ADCY6: variants seen among roughly 807,000 people sequenced by gnomAD.
ADCY6 encodes the protein adenylate cyclase type 6.
Under a neutral mutation model 111.6 loss-of-function variants are expected in ADCY6, and 59 were observed. The ratio of observed to expected loss-of-function variants is 0.53; its 90% CI spans 0.43 to 0.66. The LOEUF is 0.66. Among genes scored for constraint, ADCY6 ranks in the 30% least tolerant of loss-of-function variants. The pLI is 0.00. For synonymous variants in ADCY6, 576 were observed against 642.9 expected (o/e 0.90, Z 1.57); for missense variants, 1,242 against 1,595.6 (o/e 0.78, Z 3.78).
intron 3 of ADCY6, 44 bp downstream of exon 3, chr12:48,778,064 G>C (rs1941750669): frequency 6.4e-7 from 1 of 1,573,578 alleles, no homozygotes; most frequent in Non-Finnish European, 8.6e-7. Context: ...AAGTTATTTG[G>C]GGGTAAGGTG....
chr12:48,772,616 CAA>C (rs1941581293), intron 16 of ADCY6, 73 bp from the exon 17 acceptor site: 1 of 1,547,564 alleles, frequency 6.5e-7, no homozygotes, highest in Non-Finnish European at 8.9e-7. Context: ...GAAGGGGAGA[CAA>C]GAGACTGCAT....
rs770483197 is a variant in ADCY6, at chr12:48,770,992, G to T, written c.3052-22C>A. 6.2e-5 allele frequency: 99 copies of T among 1,608,040 alleles called. No individual in the cohort carries two copies. The Admixed American group carries it at 1.6e-3, about 26-fold the overall frequency. On this transcript the variant is annotated intron_variant, in intron 19 of 21. Coordinates refer to ENST00000357869, the MANE Select transcript of ADCY6 (RefSeq NM_015270.5). The stretch of plus-strand genomic sequence containing the variant: ...TAATCTGAACAACACAAGGAGACCT[G>T]GCTGTCAAGGCAAAGACCCCAGACC...
chr12:48,774,325 T>C (rs902162615), intron 14 of ADCY6, 77 bp downstream of exon 14: 61 of 1,419,322 alleles, frequency 4.3e-5, no homozygotes, highest in Non-Finnish European at 6.0e-5. Context: ...ATATGTCCTT[T>C]TCTCCGCTGT....
Position 48,768,346 on chromosome 12 carries a change from A to C in ADCY6, c.*245T>G, listed in dbSNP as rs1025256432. 1.8e-6 allele frequency: 1 copy of C among 562,518 alleles called. No individual in the cohort carries two copies. Among genetic ancestry groups the C allele is most frequent in the African/African-American group, 1.9e-5 (1 of 52,974 alleles). 34.8% of individuals were successfully genotyped at this position (562,518 alleles called of 1,614,324 possible). A position where few individuals can be genotyped will look rare whatever the true frequency, so the allele number is the denominator to read the frequency against. ...CTGCTCCCAAAGGCTGGAAGATTGG[A>C]GAGGGAACAGCCCTACCCCAAGTAA... On this transcript the variant is annotated 3_prime_UTR_variant, in exon 22 of 22. Coordinates refer to ENST00000357869, the MANE Select transcript of ADCY6 (RefSeq NM_015270.5).
Position 48,777,369 on chromosome 12 carries a change from G to T in ADCY6, c.1248+41C>A. Reference sequence around the variant, plus strand: ...GCCAGCAAAGCTATGCTCTCACCACGGTCAACACCCAGGCCCAATCCCAAG... The same window carrying T: ...GCCAGCAAAGCTATGCTCTCACCACTGTCAACACCCAGGCCCAATCCCAAG... On this transcript the variant is annotated intron_variant, in intron 5 of 21. Coordinates refer to ENST00000357869, the MANE Select transcript of ADCY6 (RefSeq NM_015270.5). This position sits in a 1 kb window ranked among gnomAD's most constrained non-coding sequence, Gnocchi z 4.9. The T allele has an allele frequency of 6.2e-7, 1 of 1,608,606 alleles. No individual in the cohort carries two copies. Among genetic ancestry groups the T allele is most frequent in the Non-Finnish European group, 8.5e-7 (1 of 1,175,638 alleles).
chr12:48,784,690 T>TTTTTTTTTTTA, intron 1 of ADCY6, among the ~76,000 whole-genome samples: 1 of 146,190 alleles, frequency 6.8e-6, no homozygotes, highest in African/African-American at 2.6e-5. Flanking sequence ...TTTTTTTTTT[T>TTTTTTTTTTTA]GAGACGGAGT....
At chr12:48,775,873 T>C (rs768416169) in intron 9 of ADCY6, 90 bp downstream of exon 9, 1 of 1,534,294 alleles carries the variant, frequency 6.5e-7, no homozygotes, top group Non-Finnish European at 8.8e-7. Context: ...TACATGGAAA[T>C]GGCAGTCACA....
At chr12:48,775,577 C>A in intron 10 of ADCY6, 96 bp downstream of exon 10, 1 of 1,578,358 alleles carries the variant, frequency 6.3e-7, no homozygotes, top group South Asian at 1.1e-5. Context: ...TGCTCCCACA[C>A]AACACTCCTA....
chr12:48,788,687 C>T (rs1942027316), intron 1 of ADCY6, among the ~76,000 whole-genome samples: 2 of 152,058 alleles, frequency 1.3e-5, no homozygotes, highest in Non-Finnish European at 2.9e-5. Flanking sequence ...CGGCGGGCGA[C>T]GGGGGTGGCG....
At chr12:48,784,676 T>TG (rs1565652516) in intron 1 of ADCY6, among the ~76,000 whole-genome samples, 1 of 139,704 alleles carries the variant, frequency 7.2e-6, no homozygotes, top group East Asian at 2.0e-4. Context: ...TTTTTTTTTT[T>TG]TTTTTTTTTT....
Position 48,773,964 on chromosome 12 carries a change from G to T in ADCY6, c.2418C>A (p.Thr806=). Reference sequence around the variant, plus strand: ...CCTCAGGAAAGCTGCAGGTGGGCATGGTGCCCTCACACAGGGGAGCATCCA... The same window carrying T: ...CCTCAGGAAAGCTGCAGGTGGGCATTGTGCCCTCACACAGGGGAGCATCCA... ...LGLDAPLCEG[T]MPTCSFPEYF... is the part of the protein sequence containing the mutation. The change falls in exon 15 of 22, where the codon ACC becomes ACA. Residue 806 remains threonine, a synonymous_variant. Transcript: ENST00000357869. 6.2e-7 allele frequency: 1 copy of T among 1,613,892 alleles called. No homozygotes were observed. The highest frequency in any genetic ancestry group is 8.5e-7 in the Non-Finnish European group (1 of 1,179,910).
At chr12:48,783,796 T>G in intron 1 of ADCY6, 1 of 250,958 alleles carries the variant, frequency 4.0e-6, no homozygotes, top group Non-Finnish European at 7.6e-6. Context: ...TTCAAAAAAT[T>G]AGCCTGGGCC....
In ADCY6 at chr12:48,777,474, C is replaced by T; in HGVS notation, c.1184G>A (p.Cys395Tyr). 6.2e-7 allele frequency: 1 copy of T among 1,613,192 alleles called. No individual in the cohort carries two copies. The highest frequency in any genetic ancestry group is 8.5e-7 in the Non-Finnish European group (1 of 1,180,038). ...IEGFTSLASQ[C>Y]TAQELVMTLN... ...GGTCATGACCAGCTCCTGCGCAGTG[C>T]ACTGGGATGCCAGGCTGGTGAAGCC... is the stretch of plus-strand genomic sequence containing the variant. The change falls in exon 5 of 22, where the codon TGC becomes TAC. Residue 395 changes from cysteine (C) to tyrosine (Y), a missense_variant. Around this residue, in one of 4 missense-constraint regions of ADCY6, gnomAD observed 260 missense variants for 414.6 expected, o/e 0.63. Coordinates refer to ENST00000357869, the MANE Select transcript of ADCY6 (RefSeq NM_015270.5). This position sits in a 1 kb window ranked among gnomAD's most constrained non-coding sequence, Gnocchi z 4.9.
At position 48,778,156 on chromosome 12, in the gene ADCY6, G is replaced by A. The variant is rs1283387922; in HGVS notation, c.966C>T (p.Arg322=). The change falls in exon 3 of 22, where the codon CGC becomes CGT. Residue 322 remains arginine, a synonymous_variant. Transcript: ENST00000357869. ...GGTGGAGCCGGGCCTGGATGTAACCGCGGGTCTCCTGAAAGGCCTGGCGCT... is the reference window on the plus strand; with the variant it reads ...GGTGGAGCCGGGCCTGGATGTAACCACGGGTCTCCTGAAAGGCCTGGCGCT... ...VSQRQAFQET[R]GYIQARLHLQ... 5.0e-6 allele frequency: 8 copies of A among 1,613,936 alleles called. No homozygotes were observed. Among genetic ancestry groups the A allele is most frequent in the East Asian group, 4.5e-5 (2 of 44,868 alleles).
intron 1 of ADCY6, among the ~76,000 whole-genome samples, chr12:48,785,448 C>A (rs758759925): frequency 6.6e-6 from 1 of 152,066 alleles, no homozygotes; most frequent in African/African-American, 2.4e-5. Flanking sequence ...GGTGAAACCC[C>A]ATTTCTACTA....
rs1941434725 is a variant in ADCY6 at position 48,768,515 on chromosome 12, C to T, written c.*76G>A. On this transcript the variant is annotated 3_prime_UTR_variant, in exon 22 of 22. Coordinates refer to ENST00000357869, the MANE Select transcript of ADCY6 (RefSeq NM_015270.5). ...TCTGGAGGCTCAGTGCCCCCTGCCA[C>T]AGCTCCACCCAGTGAGCACAGAGTC... The T allele has an allele frequency of 7.5e-6, 12 of 1,606,450 alleles. No homozygotes were observed. The highest frequency in any genetic ancestry group is 1.7e-5 in the Admixed American group (1 of 59,904).
At chr12:48,774,267 G>A (rs549553548) in intron 14 of ADCY6, 135 bp downstream of exon 14, 20 of 1,074,314 alleles carry the variant, frequency 1.9e-5, no homozygotes, top group Middle Eastern at 2.3e-4. Flanking sequence ...AAGGAGAACC[G>A]GAGTTAACCT....
chr12:48,778,872 A>ATTTTTTTTTTTTTTTTTTTT (rs1037254707), intron 2 of ADCY6, among the ~76,000 whole-genome samples: 2 of 72,412 alleles, frequency 2.8e-5, no homozygotes, highest in Admixed American at 2.0e-4. Flanking sequence ...TGAATAACAC[A>ATTTTTTTTTTTTTTTTTTTT]TTTTTTTTTT....
Position 48,782,087 on chromosome 12 carries a change from A to G in ADCY6, c.864+484T>C, listed in dbSNP as rs571943608. On this transcript the variant is annotated intron_variant, in intron 2 of 21. Transcript: ENST00000357869. This position sits in a 1 kb window ranked among gnomAD's most constrained non-coding sequence, Gnocchi z 4.3. ...GCTGACAACATCCAAAACCTGCTCT[A>G]TACCTCCAGATCACCACCTAGAGCT... is the stretch of plus-strand genomic sequence containing the variant. Among the ~76,000 whole-genome samples, 6 of 152,202 alleles carry G rather than the reference A, an allele frequency of 3.9e-5. No homozygotes were observed. Among genetic ancestry groups the G allele is most frequent in the East Asian group, 1.9e-4 (1 of 5,170 alleles).
Sources: gnomAD v4.1 joint callset for allele counts (sites outside exome capture counted in the v4.1 genomes callset) on GRCh38, gnomAD v4.1.1 for gene constraint, gnomAD v4.1.1 regional missense constraint, Gnocchi (gnomAD v3.1) non-coding constraint, MANE v1.5 for transcripts, NCBI Gene and HGNC (gene_info 2026-07-23, HGNC 2026-07-21) for gene names.